ESCO1: variants seen among roughly 807,000 people sequenced by gnomAD.
ESCO1 encodes N-acetyltransferase ESCO1.
In ESCO1, 33 loss-of-function variants were observed where a neutral mutation model predicts 83.5. That is an observed-to-expected ratio of 0.40 (90% CI 0.30 to 0.53). ESCO1 has a LOEUF of 0.53. ESCO1 is among the 20% of genes least tolerant of loss of function. The pLI is 0.63. For missense variants in ESCO1, 855 were observed against 968.0 expected (o/e 0.88, Z 1.55); for synonymous variants, 332 against 324.3 (o/e 1.02, Z -0.25).
intron 8 of ESCO1, among the ~76,000 whole-genome samples, chr18:21,559,877 C>T (rs945899028): frequency 1.3e-5 from 2 of 151,958 alleles, no homozygotes. Flanking sequence ...GGTAGAGAAC[C>T]AAAAAAGTAA....
chr18:21,538,676 G>C (rs2037867116), intron 9 of ESCO1, among the ~76,000 whole-genome samples: 1 of 152,100 alleles, frequency 6.6e-6, no homozygotes, highest in African/African-American at 2.4e-5. Context: ...TTCAGGTGAA[G>C]TATTCTTAAG....
At chr18:21,578,464 C>CT (rs2038449443) in intron 2 of ESCO1, among the ~76,000 whole-genome samples, 1 of 152,106 alleles carries the variant, frequency 6.6e-6, no homozygotes, top group African/African-American at 2.4e-5. Context: ...TGGCCATTAA[C>CT]TGGACCTTTC....
chr18:21,600,608 G>T lies in ESCO1; in HGVS notation c.-825+15C>A, dbSNP rs992119287. On this transcript the variant is annotated intron_variant, in intron 1 of 11. Coordinates refer to ENST00000269214, the MANE Select transcript of ESCO1 (RefSeq NM_052911.3). ...AAGACACAGGCGGCGGGGACCGTCAGGGACGCTCGCGTACCTTCCTTTTGC... is the reference window on the plus strand; with the variant it reads ...AAGACACAGGCGGCGGGGACCGTCATGGACGCTCGCGTACCTTCCTTTTGC... 6.6e-6 allele frequency: 1 copy of T among 152,388 alleles called. No individual in the cohort carries two copies. The highest frequency in any genetic ancestry group is 1.5e-5 in the Non-Finnish European group (1 of 68,184). 9.4% of individuals were successfully genotyped at this position (152,388 alleles called of 1,614,324 possible).
intron 2 of ESCO1, among the ~76,000 whole-genome samples, chr18:21,579,676 G>A (rs2038466018): frequency 6.6e-6 from 1 of 150,384 alleles, no homozygotes. Flanking sequence ...GGAGGCTGAG[G>A]CAGGAGAATT....
chr18:21,577,488 G>A (rs1252154055), intron 2 of ESCO1, among the ~76,000 whole-genome samples: 17 of 149,670 alleles, frequency 1.1e-4, no homozygotes, highest in Non-Finnish European at 2.1e-4. Context: ...GTGAAACCCC[G>A]TCTCTACTAA....
chr18:21,578,126 T>C (rs772775123), intron 2 of ESCO1, among the ~76,000 whole-genome samples: 3 of 152,124 alleles, frequency 2.0e-5, no homozygotes, highest in Non-Finnish European at 4.4e-5. Context: ...TTCCAATCAC[T>C]TTTAACCATA....
intron 8 of ESCO1, among the ~76,000 whole-genome samples, chr18:21,553,605 C>T (rs1023177704): frequency 3.3e-5 from 5 of 151,926 alleles, no homozygotes; most frequent in Admixed American, 6.6e-5. Context: ...TGCCTGTAAT[C>T]CCAGCACTTT....
At chr18:21,582,659 A>G (rs946110933) in intron 2 of ESCO1, among the ~76,000 whole-genome samples, 3 of 152,264 alleles carry the variant, frequency 2.0e-5, no homozygotes, top group African/African-American at 7.2e-5. Context: ...GCTAATAACC[A>G]AAATATATTT....
Position 21,573,382 on chromosome 18 carries a change from C to A in ESCO1, c.1462G>T (p.Glu488Ter). ...RAPENCHLAN[E>*]IKPSDPPLDN... is the part of the protein sequence containing the mutation. Reference sequence around the variant, plus strand: ...AATGGTGGGTCAGAAGGTTTTATCTCATTGGCCAAATGACAATTTTCAGGA... The same window carrying A: ...AATGGTGGGTCAGAAGGTTTTATCTAATTGGCCAAATGACAATTTTCAGGA... Residue 488 changes from glutamate (E) to a stop codon, truncating the protein, a stop_gained, in exon 4 of 12, where the codon GAG becomes TAG. Transcript: ENST00000269214. LOFTEE classifies it high-confidence loss of function. The A allele has an allele frequency of 6.2e-7, 1 of 1,607,492 alleles. No individual in the cohort carries two copies.
At chr18:21,538,182 T>G (rs2037859962) in intron 9 of ESCO1, among the ~76,000 whole-genome samples, 1 of 150,756 alleles carries the variant, frequency 6.6e-6, no homozygotes, top group Non-Finnish European at 1.5e-5. Context: ...CTGGGCAGGG[T>G]GGCTCACGCC....
At chr18:21,541,994 T>C (rs571915536) in intron 8 of ESCO1, among the ~76,000 whole-genome samples, 1 of 152,352 alleles carries the variant, frequency 6.6e-6, no homozygotes, top group African/African-American at 2.4e-5. Context: ...AAACTTTCTC[T>C]TGAAACAACT....
At chr18:21,599,042 C>CAA (rs34829152) in intron 1 of ESCO1, among the ~76,000 whole-genome samples, 3 of 127,986 alleles carry the variant, frequency 2.3e-5, no homozygotes, top group African/African-American at 8.7e-5. Context: ...TTTTGCTTTT[C>CAA]AAAAAAAAAA....
intron 4 of ESCO1, among the ~76,000 whole-genome samples, chr18:21,571,526 C>T (rs1333962182): frequency 6.6e-6 from 1 of 152,136 alleles, no homozygotes; most frequent in Non-Finnish European, 1.5e-5. Flanking sequence ...AACAGAGGGG[C>T]TGCATAAATT....
intron 6 of ESCO1, among the ~76,000 whole-genome samples, chr18:21,564,725 T>C (rs1315550768): frequency 6.6e-6 from 1 of 151,872 alleles, no homozygotes; most frequent in East Asian, 1.9e-4. Flanking sequence ...ACAACGCTGA[T>C]AAATTTCAGC....
chr18:21,584,022 G>A (rs1421940741), intron 2 of ESCO1, among the ~76,000 whole-genome samples: 1 of 152,156 alleles, frequency 6.6e-6, no homozygotes, highest in Non-Finnish European at 1.5e-5. Flanking sequence ...GTGGAAGGAA[G>A]AGAATATACA....
At chr18:21,589,007 C>T (rs899322069) in intron 1 of ESCO1, among the ~76,000 whole-genome samples, 7 of 151,976 alleles carry the variant, frequency 4.6e-5, no homozygotes, top group Non-Finnish European at 7.4e-5. Flanking sequence ...TTTGGGAGGC[C>T]GAGGTGGGCA....
At chr18:21,560,651 C>A (rs2146197745) in intron 8 of ESCO1, among the ~76,000 whole-genome samples, 1 of 152,206 alleles carries the variant, frequency 6.6e-6, no homozygotes, top group East Asian at 1.9e-4. Context: ...CAAAATCCCA[C>A]AACATAAACC....
intron 8 of ESCO1, among the ~76,000 whole-genome samples, chr18:21,556,295 A>C (rs1156950790): frequency 6.6e-6 from 1 of 152,078 alleles, no homozygotes; most frequent in Non-Finnish European, 1.5e-5. Flanking sequence ...AAAATCTCTA[A>C]TCCTGCTCTA....
Position 21,573,510 on chromosome 18 carries a change from T to C in ESCO1, c.1334A>G (p.Asp445Gly), listed in dbSNP as rs1195417631. The C allele has an allele frequency of 3.7e-6, 6 of 1,612,848 alleles. No homozygotes were observed. Among genetic ancestry groups the C allele is most frequent in the Non-Finnish European group, 5.1e-6 (6 of 1,179,788 alleles). Reference sequence around the variant, plus strand: ...TTCCTGCTGGCAAGTTATATTTCTATCATGTAGCTTTGTCCCTAAAAACGT... The same window carrying C: ...TTCCTGCTGGCAAGTTATATTTCTACCATGTAGCTTTGTCCCTAAAAACGT... ...QSTFLGTKLH[D>G]RNITCQQEKM... The change falls in exon 4 of 12, where the codon GAT becomes GGT. Residue 445 changes from aspartate to glycine, a missense_variant. Around this residue, in one of 2 missense-constraint regions of ESCO1, gnomAD observed 726 missense variants for 699.5 expected, o/e 1.04. Transcript: ENST00000269214.
Sources: gnomAD v4.1 joint callset for allele counts (sites outside exome capture counted in the v4.1 genomes callset) on GRCh38, gnomAD v4.1.1 for gene constraint, gnomAD v4.1.1 regional missense constraint, MANE v1.5 for transcripts, NCBI Gene and HGNC (gene_info 2026-07-23, HGNC 2026-07-21) for gene names.